CHD1: variants seen among roughly 807,000 people sequenced by gnomAD.
CHD1 encodes chromodomain helicase DNA binding protein 1.
A neutral mutation model predicts 224.2 loss-of-function variants in CHD1; 36 were observed. The ratio of observed to expected loss-of-function variants is 0.16; its 90% confidence interval spans 0.12 to 0.21. CHD1 has a LOEUF of 0.21. CHD1 is among the 10% of genes least tolerant of loss of function. The pLI is 1.00. For synonymous variants in CHD1, 668 were observed against 658.3 expected (o/e 1.01, Z -0.23); for missense variants, 1,378 against 1,994.8 (o/e 0.69, Z 5.89).
chr5:98,880,930 G>T, intron 22 of CHD1, 146 bp downstream of exon 22: 1 of 629,012 alleles, frequency 1.6e-6, no homozygotes. Flanking sequence ...GTTTGCTACT[G>T]GTTTGTCTGA....
rs769439271 is a variant in CHD1 at position 98,898,276 on chromosome 5, T to C, written c.1345A>G (p.Thr449Ala). 1.3e-6 allele frequency: 2 copies of C among 1,530,544 alleles called. No homozygotes were observed. The highest frequency in any genetic ancestry group is 1.4e-5 in the South Asian group (1 of 72,940). The allele number at this position is 1,530,544 out of a possible 1,614,324, so 94.8% of individuals were successfully genotyped here. The change falls in exon 10 of 36, where the codon ACT becomes GCT. Residue 449 changes from threonine (T) to alanine (A), a missense_variant. By Grantham distance (58) the Thr-to-Ala change is moderately conservative (BLOSUM62 0). Transcript: ENST00000614616. ...EYFSRNQSKTTPFKDCKVLKQ... is the reference protein window; with the variant it reads ...EYFSRNQSKTAPFKDCKVLKQ... ...CTCACTTTGCAATCTTTAAAAGGAG[T>C]GGTTTTTGATTGGTTCCTGCTAAAA...
At chr5:98,890,796 G>A (rs1021713996) in intron 15 of CHD1, among the ~76,000 whole-genome samples, 1 of 152,072 alleles carries the variant, frequency 6.6e-6, no homozygotes, top group Non-Finnish European at 1.5e-5. Flanking sequence ...AACTATTTTA[G>A]AGGGAAGTAC....
chr5:98,865,279 G>A (rs907707616), intron 31 of CHD1, among the ~76,000 whole-genome samples: 1 of 152,180 alleles, frequency 6.6e-6, no homozygotes, highest in Non-Finnish European at 1.5e-5. Context: ...GAAGTGGCCG[G>A]CAACGATGGG....
Position 98,903,871 on chromosome 5 carries a change from C to G in CHD1, c.293G>C (p.Arg98Thr), listed in dbSNP as rs767946794. 4 of 1,611,720 alleles carry G rather than the reference C, an allele frequency of 2.5e-6. No individual in the cohort carries two copies. Among genetic ancestry groups the G allele is most frequent in the Non-Finnish European group, 3.4e-6 (4 of 1,178,768 alleles). The change falls in exon 4 of 36, where the codon AGA becomes ACA. Residue 98 changes from arginine to threonine, a missense_variant. Physicochemically the swap from Arg to Thr is moderately conservative, Grantham distance 71 (BLOSUM62 -1). Transcript: ENST00000614616. ...KSSPSILAVQ[R>T]SAILKKQQQQ... ...TTGCTGCTTCTTGAGGATTGCAGAT[C>G]TCTGAACGGCCAGAATACTAGGACT...
chr5:98,873,068 A>C (rs1480996609), intron 26 of CHD1, among the ~76,000 whole-genome samples: 5 of 152,062 alleles, frequency 3.3e-5, no homozygotes, highest in African/African-American at 2.4e-5. Context: ...GTTCAAGCTA[A>C]ACTCCCATCT....
intron 12 of CHD1, 152 bp from the exon 13 acceptor site, chr5:98,894,838 TGAGACAGAG>T: frequency 2.4e-6 from 1 of 420,200 alleles, no homozygotes. Flanking sequence ...TTTTTTTTTT[TGAGACAGAG>T]TTTTGCTCTT....
chr5:98,878,596 T>C (rs1749942834), intron 23 of CHD1, among the ~76,000 whole-genome samples: 1 of 152,210 alleles, frequency 6.6e-6, no homozygotes, highest in South Asian at 2.1e-4. Flanking sequence ...AATTTTGGTA[T>C]TTGTTTACTT....
At chr5:98,913,503 G>C (rs1438058147) in intron 2 of CHD1, among the ~76,000 whole-genome samples, 3 of 152,074 alleles carry the variant, frequency 2.0e-5, no homozygotes, top group Admixed American at 6.6e-5. Flanking sequence ...CTTCTTTTAG[G>C]GAATTCTTGA....
chr5:98,875,644 A>G (rs2112348646), intron 24 of CHD1, among the ~76,000 whole-genome samples: 1 of 152,356 alleles, frequency 6.6e-6, no homozygotes, highest in South Asian at 2.1e-4. Flanking sequence ...CGAAAAGTAC[A>G]GCAATTCAGG....
intron 11 of CHD1, among the ~76,000 whole-genome samples, chr5:98,896,875 G>A (rs1751377664): frequency 6.6e-6 from 1 of 150,708 alleles, no homozygotes; most frequent in Non-Finnish European, 1.5e-5. Context: ...AAATGTAGAA[G>A]AGTAAATGGA....
chr5:98,905,600 T>G (rs1751997098), intron 2 of CHD1, among the ~76,000 whole-genome samples: 1 of 152,154 alleles, frequency 6.6e-6, no homozygotes, highest in Non-Finnish European at 1.5e-5. Context: ...TCTCTATCAC[T>G]CCAGGAGAAC....
At chr5:98,926,262 TAAC>T in intron 2 of CHD1, 69 bp downstream of exon 2, 1 of 921,564 alleles carries the variant, frequency 1.1e-6, no homozygotes, top group Non-Finnish European at 1.7e-6. Context: ...ATAACAACAA[TAAC>T]AATAAAGAAA....
rs1389242263 is a variant in CHD1 at position 98,863,596 on chromosome 5, G to T, written c.4249-10C>A. The T allele has an allele frequency of 1.3e-6, 2 of 1,582,748 alleles. No individual in the cohort carries two copies. Among genetic ancestry groups the T allele is most frequent in the Non-Finnish European group, 8.6e-7 (1 of 1,168,520 alleles). ...TCATTCTTTCTTTACACTTTAAAAT[G>T]AGAAAACAAGAATATAAACACATGT... On this transcript the variant is annotated splice_polypyrimidine_tract_variant and intron_variant, in intron 31 of 35. Transcript: ENST00000614616.
At chr5:98,878,487 T>C (rs956932411) in intron 23 of CHD1, among the ~76,000 whole-genome samples, 4 of 152,376 alleles carry the variant, frequency 2.6e-5, no homozygotes, top group East Asian at 3.9e-4. Flanking sequence ...AAAAATCTTA[T>C]ATCCTAAAAA....
chr5:98,876,666 A>AC (rs1749786481), intron 23 of CHD1, 108 bp from the exon 24 acceptor site: 12 of 911,624 alleles, frequency 1.3e-5, no homozygotes, highest in Non-Finnish European at 2.0e-5. Context: ...TATTAAATGT[A>AC]TCAAAAACAT....
intron 2 of CHD1, among the ~76,000 whole-genome samples, chr5:98,907,213 T>C (rs1752099917): frequency 6.6e-6 from 1 of 152,234 alleles, no homozygotes; most frequent in African/African-American, 2.4e-5. Flanking sequence ...ACAGGTTTAT[T>C]GTTAGAATGT....
intron 15 of CHD1, among the ~76,000 whole-genome samples, chr5:98,891,485 C>T (rs1243149575): frequency 6.6e-6 from 1 of 151,944 alleles, no homozygotes; most frequent in African/African-American, 2.4e-5. Flanking sequence ...TGGGGATGAC[C>T]AGAGATACAT....
chr5:98,891,286 G>A (rs371624180), intron 15 of CHD1, among the ~76,000 whole-genome samples: 1 of 152,156 alleles, frequency 6.6e-6, no homozygotes, highest in African/African-American at 2.4e-5. Flanking sequence ...ATGTTGCCTA[G>A]GCTGGTCTCA....
intron 18 of CHD1, among the ~76,000 whole-genome samples, chr5:98,885,375 G>C (rs1393036606): frequency 6.6e-6 from 1 of 152,176 alleles, no homozygotes; most frequent in Non-Finnish European, 1.5e-5. Context: ...CTGGGCCACA[G>C]AGTGAGACTC....
Sources: allele counts gnomAD v4.1 joint callset (sites outside exome capture counted in the v4.1 genomes callset), GRCh38; gene constraint gnomAD v4.1.1; transcripts MANE v1.5; gene names NCBI Gene and HGNC (gene_info 2026-07-23, HGNC 2026-07-21).